Variants in FAT3 observed in about 807,000 individuals in gnomAD.
FAT3 encodes the protein FAT atypical cadherin 3.
A neutral mutation model predicts 310.2 loss-of-function variants in FAT3; 95 were observed. The observed-to-expected ratio is 0.31, with a 90% CI of 0.26 to 0.36. The LOEUF (loss-of-function observed/expected upper bound fraction) is 0.36. Among genes scored for constraint, FAT3 ranks in the 10% least tolerant of loss-of-function variants. FAT3 has a pLI of 1.00. For synonymous variants in FAT3, 2,314 were observed against 2,192.9 expected (o/e 1.06, Z -1.54); for missense variants, 5,408 against 5,715.6 (o/e 0.95, Z 1.74).
At chr11:92,396,074 CAG>C (rs1446524122) in intron 2 of FAT3, among the ~76,000 whole-genome samples, 1 of 152,176 alleles carries the variant, frequency 6.6e-6, no homozygotes, top group African/African-American at 2.4e-5. Flanking sequence ...TGGGCACATC[CAG>C]ACCCTGTCAA....
intron 1 of FAT3, among the ~76,000 whole-genome samples, chr11:92,297,220 T>G (rs1046182849): frequency 7.9e-5 from 12 of 152,244 alleles, no homozygotes; most frequent in African/African-American, 2.6e-4. Context: ...AGCTTCAAGA[T>G]CTTGTTTCCT....
chr11:92,594,764 C>T (rs1271419452), intron 3 of FAT3, among the ~76,000 whole-genome samples: 2 of 152,016 alleles, frequency 1.3e-5, no homozygotes, highest in Non-Finnish European at 2.9e-5. Flanking sequence ...GCAGTAGTAC[C>T]GTTGTAAAAT....
intron 1 of FAT3, among the ~76,000 whole-genome samples, chr11:92,266,337 G>A (rs560343256): frequency 2.0e-5 from 3 of 152,120 alleles, no homozygotes; most frequent in East Asian, 3.9e-4. Context: ...GTATGGGCAG[G>A]AGCTGAGGAA....
At chr11:92,517,233 A>G (rs1054975920) in intron 2 of FAT3, among the ~76,000 whole-genome samples, 7 of 152,176 alleles carry the variant, frequency 4.6e-5, no homozygotes, top group African/African-American at 1.7e-4. Context: ...TTCAAACTAT[A>G]CTACAAGGCT....
intron 2 of FAT3, among the ~76,000 whole-genome samples, chr11:92,496,020 G>A (rs1202047438): frequency 6.6e-6 from 1 of 152,024 alleles, no homozygotes. Context: ...CCATCCAAAA[G>A]ATGAGCACAA....
intron 1 of FAT3, among the ~76,000 whole-genome samples, chr11:92,268,825 C>G (rs1243045767): frequency 6.6e-6 from 1 of 152,080 alleles, no homozygotes; most frequent in Admixed American, 6.6e-5. Flanking sequence ...AAGCAGTGTT[C>G]CAACTAACAA....
At chr11:92,468,629 C>G (rs2135140384) in intron 2 of FAT3, among the ~76,000 whole-genome samples, 1 of 152,270 alleles carries the variant, frequency 6.6e-6, no homozygotes, top group Non-Finnish European at 1.5e-5. Context: ...GTTTAACTGA[C>G]TCACAGTTCA....
At chr11:92,546,902 A>G (rs1375177477) in intron 3 of FAT3, among the ~76,000 whole-genome samples, 2 of 152,176 alleles carry the variant, frequency 1.3e-5, no homozygotes, top group African/African-American at 4.8e-5. Context: ...GCTAGGGGTT[A>G]TATCTTCAAT....
intron 3 of FAT3, among the ~76,000 whole-genome samples, chr11:92,619,843 T>C (rs950298231): frequency 6.6e-6 from 1 of 152,086 alleles, no homozygotes; most frequent in African/African-American, 2.4e-5. Flanking sequence ...TTCTATTTCA[T>C]TGATTTCCAC....
intron 1 of FAT3, among the ~76,000 whole-genome samples, chr11:92,288,126 G>A (rs1349494724): frequency 3.3e-5 from 5 of 152,052 alleles, no homozygotes; most frequent in African/African-American, 1.2e-4. Context: ...ACGTACAGTA[G>A]AATACTATTC....
chr11:92,780,276 C>T (rs1946713362), intron 7 of FAT3, among the ~76,000 whole-genome samples: 1 of 151,754 alleles, frequency 6.6e-6, no homozygotes, highest in African/African-American at 2.4e-5. Flanking sequence ...ATCCTCCCAC[C>T]TCAAGCCTCC....
chr11:92,634,209 G>A (rs1206947706), intron 3 of FAT3, among the ~76,000 whole-genome samples: 3 of 152,210 alleles, frequency 2.0e-5, no homozygotes, highest in Non-Finnish European at 4.4e-5. Flanking sequence ...GATAGACTCT[G>A]TGTTGAGGTT....
At chr11:92,840,841 T>C in intron 18 of FAT3, 82 bp downstream of exon 18, 4 of 1,335,450 alleles carry the variant, frequency 3.0e-6, no homozygotes, top group Non-Finnish European at 4.0e-6. Context: ...TTTTTTTCTT[T>C]GCTGAGTAAG....
chr11:92,477,160 G>T (rs774873095), intron 2 of FAT3, among the ~76,000 whole-genome samples: 1 of 152,182 alleles, frequency 6.6e-6, no homozygotes, highest in Non-Finnish European at 1.5e-5. Flanking sequence ...GAGACTGTCT[G>T]ACAGCTTTAT....
chr11:92,754,615 A>AAGACTCT (rs1315275189), intron 4 of FAT3, among the ~76,000 whole-genome samples: 3 of 124,144 alleles, frequency 2.4e-5, no homozygotes, highest in Non-Finnish European at 5.3e-5. Flanking sequence ...GCGACAGAGG[A>AAGACTCT]AGACTCTGCC....
At position 92,765,069 on chromosome 11, in the gene FAT3, C is replaced by T. The variant is rs1455691916; in HGVS notation, c.4175C>T (p.Pro1392Leu). 3.1e-6 allele frequency: 5 copies of T among 1,613,124 alleles called. No individual in the cohort carries two copies. The highest frequency in any genetic ancestry group is 4.5e-5 in the East Asian group (2 of 44,850). Residue 1392 changes from proline (P) to leucine (L), a missense_variant, in exon 6 of 28, where the codon CCT becomes CTT. By Grantham distance (98) the Pro-to-Leu change is moderately conservative. Around this residue, in one of 5 missense-constraint regions of FAT3, gnomAD observed 4,588 missense variants for 4,809.8 expected, o/e 0.95. Coordinates refer to ENST00000525166, the MANE Select transcript of FAT3 (RefSeq NM_001367949.2). Reference protein sequence around the residue: ...GVVSVQPANTPLWFDIVGGNF... With the variant: ...GVVSVQPANTLLWFDIVGGNF... The stretch of plus-strand genomic sequence containing the variant: ...GTGTCTGTGCAGCCAGCTAACACCC[C>T]TCTGTGGTTTGACATAGTTGGTAAG...
chr11:92,402,107 A>C (rs1400300634), intron 2 of FAT3, among the ~76,000 whole-genome samples: 1 of 152,220 alleles, frequency 6.6e-6, no homozygotes, highest in African/African-American at 2.4e-5. Flanking sequence ...ACAACATGCA[A>C]GCCTATATAG....
intron 3 of FAT3, among the ~76,000 whole-genome samples, chr11:92,609,852 T>A (rs1197484479): frequency 6.6e-6 from 1 of 152,156 alleles, no homozygotes. Context: ...AGTTCAGACA[T>A]TGGATAATTT....
chr11:92,425,074 G>C (rs890508932), intron 2 of FAT3, among the ~76,000 whole-genome samples: 1 of 152,078 alleles, frequency 6.6e-6, no homozygotes, highest in Non-Finnish European at 1.5e-5. Flanking sequence ...ATATGGATGT[G>C]TCACATTTAA....
Sources: gnomAD v4.1 joint callset for allele counts (sites outside exome capture counted in the v4.1 genomes callset) on GRCh38, gnomAD v4.1.1 for gene constraint, gnomAD v4.1.1 regional missense constraint, MANE v1.5 for transcripts, NCBI Gene and HGNC (gene_info 2026-07-23, HGNC 2026-07-21) for gene names.